The following DOCK8 variants were observed in gnomAD, a reference collection of about 807,000 sequenced individuals.
The protein encoded by DOCK8 is dedicator of cytokinesis 8, also known as dedicator of cytokinesis protein 8.
In DOCK8, 141 loss-of-function variants were observed where a neutral mutation model predicts 245.6. The ratio of observed to expected loss-of-function variants is 0.57; its 90% CI spans 0.50 to 0.66. The LOEUF is 0.66. Ranked by LOEUF, DOCK8 falls within the 30% of genes least tolerant of loss-of-function variation. The pLI is 0.00. For missense variants in DOCK8, 2,965 were observed against 2,603.4 expected (o/e 1.14, Z -3.02); for synonymous variants, 1,168 against 970.2 (o/e 1.20, Z -3.79).
chr9:343,164 AGACCCG>A (rs1200162070), intron 14 of DOCK8, among the ~76,000 whole-genome samples: 6 of 152,202 alleles, frequency 3.9e-5, no homozygotes, highest in Non-Finnish European at 8.8e-5. Context: ...CACAAAATTA[AGACCCG>A]GAAAGGATAA....
At chr9:311,073 G>A (rs1449224057) in intron 5 of DOCK8, among the ~76,000 whole-genome samples, 1 of 152,044 alleles carries the variant, frequency 6.6e-6, no homozygotes, top group Admixed American at 6.5e-5. Flanking sequence ...ATCACCTAAG[G>A]TCAGGAGTTT....
intron 9 of DOCK8, among the ~76,000 whole-genome samples, chr9:330,750 G>C (rs1433635095): frequency 6.6e-6 from 1 of 152,184 alleles, no homozygotes; most frequent in African/African-American, 2.4e-5. Flanking sequence ...AGGTTAATCT[G>C]ATAGGCTTAT....
At chr9:263,105 G>C (rs753938948) in intron 1 of DOCK8, among the ~76,000 whole-genome samples, 1 of 152,148 alleles carries the variant, frequency 6.6e-6, no homozygotes, top group Non-Finnish European at 1.5e-5. Context: ...TACTCAGGAG[G>C]CTGAGGCTGG....
chr9:448,935 T>C (rs919371283), intron 44 of DOCK8, among the ~76,000 whole-genome samples: 1 of 152,210 alleles, frequency 6.6e-6, no homozygotes, highest in Admixed American at 6.5e-5. Context: ...CTTAAAAGAA[T>C]TCCATTTACT....
At chr9:276,080 G>A (rs147486408) in intron 2 of DOCK8, among the ~76,000 whole-genome samples, 17 of 144,706 alleles carry the variant, frequency 1.2e-4, no homozygotes, top group African/African-American at 2.6e-4. Context: ...TAGTAAAGAC[G>A]GGGTTTCGCC....
chr9:325,196 T>A (rs1473128573), intron 7 of DOCK8, among the ~76,000 whole-genome samples: 2 of 152,330 alleles, frequency 1.3e-5, no homozygotes, highest in African/African-American at 4.8e-5. Context: ...AGATACCACA[T>A]TTTCTTTATC....
At chr9:401,258 A>C (rs2055085929) in intron 26 of DOCK8, among the ~76,000 whole-genome samples, 1 of 152,252 alleles carries the variant, frequency 6.6e-6, no homozygotes, top group Non-Finnish European at 1.5e-5. Flanking sequence ...GGACCATAAA[A>C]AGCAGTGACA....
At chr9:416,101 G>T (rs903362815) in intron 29 of DOCK8, among the ~76,000 whole-genome samples, 8 of 152,166 alleles carry the variant, frequency 5.3e-5, no homozygotes, top group African/African-American at 1.9e-4. Flanking sequence ...GAAGAGAAAG[G>T]TTGAGACAGG....
chr9:350,787 G>T (rs775632834), intron 14 of DOCK8, among the ~76,000 whole-genome samples: 4 of 152,166 alleles, frequency 2.6e-5, no homozygotes, highest in Non-Finnish European at 4.4e-5. Flanking sequence ...ACCTTAATGG[G>T]GAGGAATGTG....
At chr9:235,194 G>A (rs1015979206) in intron 1 of DOCK8, among the ~76,000 whole-genome samples, 8 of 151,698 alleles carry the variant, frequency 5.3e-5, no homozygotes, top group African/African-American at 1.2e-4. Flanking sequence ...TATCAGCAGC[G>A]GTGGCTACAG....
chr9:376,005 G>A (rs2053500037), intron 18 of DOCK8, among the ~76,000 whole-genome samples: 1 of 152,224 alleles, frequency 6.6e-6, no homozygotes, highest in East Asian at 1.9e-4. Flanking sequence ...CAAAAGGAAT[G>A]AATAAATACA....
intron 1 of DOCK8, among the ~76,000 whole-genome samples, chr9:227,717 G>A (rs2047020711): frequency 6.6e-6 from 1 of 152,302 alleles, no homozygotes; most frequent in Middle Eastern, 3.4e-3. Flanking sequence ...CATGGAAAAT[G>A]TTGATTAAAA....
chr9:437,165 G>T (rs187620440), intron 39 of DOCK8, among the ~76,000 whole-genome samples: 1 of 152,314 alleles, frequency 6.6e-6, no homozygotes, highest in Non-Finnish European at 1.5e-5. Context: ...GGTAAAAATG[G>T]AATTTATCAG....
chr9:333,165 C>A (rs2051106539), intron 10 of DOCK8, among the ~76,000 whole-genome samples: 1 of 152,142 alleles, frequency 6.6e-6, no homozygotes, highest in African/African-American at 2.4e-5. Context: ...TGGGCCGCTG[C>A]CCTTTCAGGT....
At chr9:402,528 C>A (rs750030776) in intron 26 of DOCK8, among the ~76,000 whole-genome samples, 1 of 152,196 alleles carries the variant, frequency 6.6e-6, no homozygotes, top group African/African-American at 2.4e-5. Context: ...CTCAGAAGGT[C>A]ACTGACCCCC....
At chr9:418,546 G>A (rs1564041116) in intron 30 of DOCK8, among the ~76,000 whole-genome samples, 1 of 152,236 alleles carries the variant, frequency 6.6e-6, no homozygotes, top group African/African-American at 2.4e-5. Context: ...GGGATTACAG[G>A]CGTGAGCCAC....
chr9:236,473 G>A (rs1259893145), intron 1 of DOCK8, among the ~76,000 whole-genome samples: 1 of 152,122 alleles, frequency 6.6e-6, no homozygotes, highest in Admixed American at 6.5e-5. Context: ...ATATTGATAG[G>A]CCACTAGTAG....
intron 1 of DOCK8, among the ~76,000 whole-genome samples, chr9:248,829 T>C (rs1337643639): frequency 1.3e-5 from 2 of 152,210 alleles, no homozygotes; most frequent in East Asian, 3.8e-4. Flanking sequence ...GCAGGGGTGC[T>C]GCTTGAAGAA....
At chr9:373,493 A>G (rs147985718) in intron 18 of DOCK8, among the ~76,000 whole-genome samples, 2 of 152,306 alleles carry the variant, frequency 1.3e-5, no homozygotes, top group South Asian at 2.1e-4. Context: ...TAAAATTGGT[A>G]TTCAGATAAG....
Sources: gnomAD v4.1 joint callset for allele counts (sites outside exome capture counted in the v4.1 genomes callset) on GRCh38, gnomAD v4.1.1 for gene constraint, MANE v1.5 for transcripts, NCBI Gene and HGNC (gene_info 2026-07-23, HGNC 2026-07-21) for gene names.